The following TMEM150B variants were observed in gnomAD, a reference collection of about 807,000 sequenced individuals.
The protein encoded by TMEM150B is transmembrane protein 150B.
In TMEM150B, 33 loss-of-function variants were observed where a neutral mutation model predicts 25.2. The observed-to-expected ratio is 1.31, with a 90% CI of 0.99 to 1.75. The LOEUF is 1.75. TMEM150B is among the 40% of genes most tolerant of loss of function. The pLI, the probability that TMEM150B is intolerant of heterozygous loss-of-function variation, is 0.00. For synonymous variants in TMEM150B, 133 were observed against 134.8 expected, an observed-to-expected ratio of 0.99 and a Z score of 0.09; for missense variants, 322 against 306.1, an observed-to-expected ratio of 1.05 and a Z score of -0.39.
At chr19:55,315,756 G>A (rs1345985626) in intron 7 of TMEM150B, among the ~76,000 whole-genome samples, 4 of 142,264 alleles carry the variant, frequency 2.8e-5, no homozygotes, top group Non-Finnish European at 4.6e-5. Flanking sequence ...GCGAGACTCC[G>A]TCTCAAAAAA....
rs759767329 is a variant in TMEM150B at position 55,316,875 on chromosome 19, C to A, written c.416G>T (p.Arg139Met). 1.9e-6 allele frequency: 3 copies of A among 1,602,434 alleles called. No individual in the cohort carries two copies. The South Asian group carries it at 3.4e-5, about 18-fold the overall frequency. Residue 139 changes from arginine to methionine, a missense_variant, in exon 7 of 8, where the codon AGG becomes ATG. Physicochemically the swap from Arg to Met is moderately conservative, Grantham distance 91. Coordinates refer to ENST00000326652, the MANE Select transcript of TMEM150B (RefSeq NM_001282011.2). ...VYFWLQLLLW[R>M]LKRLPQPGAA... ...CCCGGGCTGGGGCAGCCTCTTCAGC[C>A]TCCACAGGAGGAGCTGCAGCCAGAA...
chr19:55,324,465 T>C (rs1190778995), intron 1 of TMEM150B, among the ~76,000 whole-genome samples: 4 of 151,886 alleles, frequency 2.6e-5, no homozygotes, highest in Admixed American at 2.6e-4. Flanking sequence ...CTGGCCAACA[T>C]AGTGAAACCC....
chr19:55,310,083 T>C (rs2088749485), downstream of TMEM150B, among the ~76,000 whole-genome samples: 1 of 152,188 alleles, frequency 6.6e-6, no homozygotes, highest in South Asian at 2.1e-4. This position sits in a 1 kb window ranked among gnomAD's most constrained non-coding sequence, Gnocchi z 5.0. Context: ...GGAGCCGTGG[T>C]TCTCAACTAG....
At chr19:55,312,019 C>A, downstream of TMEM150B, 1 of 1,511,006 alleles carries the variant, frequency 6.6e-7, no homozygotes, top group Non-Finnish European at 8.9e-7. Context: ...CGCCGAGGCC[C>A]CCCCAAGGAC....
At chr19:55,322,347 G>A (rs2089228737) in intron 2 of TMEM150B, among the ~76,000 whole-genome samples, 1 of 152,088 alleles carries the variant, frequency 6.6e-6, no homozygotes, top group Admixed American at 6.6e-5. Context: ...GGCTGAAGCT[G>A]GGCCCCTCTC....
chr19:55,317,784 G>GA (rs71181755), intron 6 of TMEM150B, among the ~76,000 whole-genome samples: 68,037 of 142,036 alleles, frequency 0.48, 16,547 homozygotes, highest in African/African-American at 0.5. Context: ...TCCATCTCAA[G>GA]AAAAAAAAAA....
At chr19:55,320,697 G>T in intron 3 of TMEM150B, 80 bp from the exon 4 acceptor site, 3 of 1,541,246 alleles carry the variant, frequency 1.9e-6, no homozygotes, top group Non-Finnish European at 2.7e-6. Context: ...AGGACTTCTA[G>T]CCCCCTCCAC....
rs749187460 is a variant in TMEM150B at position 55,320,606 on chromosome 19, G to A, written c.80C>T (p.Ala27Val). The A allele has an allele frequency of 2.1e-5, 34 of 1,613,906 alleles. No individual in the cohort carries two copies. In the South Asian group the frequency reaches 3.6e-4, roughly 17 times the overall value. Residue 27 changes from alanine (A) to valine (V), a missense_variant, in exon 4 of 8, where the codon GCA (alanine) becomes GTA (valine). Ala to Val is a moderately conservative substitution (Grantham distance 64). Transcript: ENST00000326652. ...GAGGTCCACAGTCCTGTTGGTCACT[G>A]CAATGGCAAAACTACGGAGGAAATC... is the stretch of plus-strand genomic sequence containing the variant. The part of the protein sequence containing the change: ...ISGVWIVFAI[A>V]VTNRTVDLSK...
intron 5 of TMEM150B, 100 bp downstream of exon 5, chr19:55,320,291 G>A (rs2089162730): frequency 6.7e-7 from 1 of 1,502,236 alleles, no homozygotes; most frequent in Admixed American, 2.2e-5. Context: ...GGGGAAAGAG[G>A]GGCCTGGGGC....
chr19:55,313,418 A>G (rs922209504), intron 7 of TMEM150B, among the ~76,000 whole-genome samples: 2 of 151,024 alleles, frequency 1.3e-5, no homozygotes, highest in Non-Finnish European at 3.0e-5. Context: ...GGTTTCCTAA[A>G]TACGCCTCCC....
chr19:55,312,895 CG>C lies in TMEM150B; in HGVS notation c.665del (p.Pro222ArgfsTer?). The part of the protein sequence containing the change: ...CVQPWPSLSP[P>X]PASPISLPVQ... Reference sequence around the variant, plus strand: ...CCGGCAGGGAGATGGGGGAGGCCGGCGGGGGGCTGAGGCTGGGCCACGGCTG... The same window carrying C: ...CCGGCAGGGAGATGGGGGAGGCCGGCGGGGGCTGAGGCTGGGCCACGGCTG... On this transcript the variant is annotated frameshift_variant, in exon 8 of 8. Coordinates refer to ENST00000326652, the MANE Select transcript of TMEM150B (RefSeq NM_001282011.2). LOFTEE classifies it low-confidence loss of function (END_TRUNC). The C allele has an allele frequency of 6.2e-7, 1 of 1,600,570 alleles. No homozygotes were observed. The highest frequency in any genetic ancestry group is 1.1e-5 in the South Asian group (1 of 89,598).
chr19:55,317,650 G>A (rs370045230), intron 6 of TMEM150B, among the ~76,000 whole-genome samples: 1 of 151,914 alleles, frequency 6.6e-6, no homozygotes, highest in Non-Finnish European at 1.5e-5. Flanking sequence ...GCGTGGTGGC[G>A]GGCACCTGTA....
At chr19:55,315,499 C>T (rs1370882169) in intron 7 of TMEM150B, among the ~76,000 whole-genome samples, 7 of 151,916 alleles carry the variant, frequency 4.6e-5, no homozygotes, top group African/African-American at 1.7e-4. Context: ...CGGTGGCTCA[C>T]ACCTGTAATC....
At chr19:55,320,275 G>A in intron 5 of TMEM150B, 109 bp from the exon 6 acceptor site, 1 of 1,513,936 alleles carries the variant, frequency 6.6e-7, no homozygotes. Context: ...CAAACTCCCG[G>A]ATTTTGGGGA....
chr19:55,313,520 C>G (rs1308962572), intron 7 of TMEM150B, among the ~76,000 whole-genome samples: 2 of 152,162 alleles, frequency 1.3e-5, no homozygotes, highest in South Asian at 2.1e-4. Flanking sequence ...TGCTCACTCC[C>G]AGAGCCTAAT....
intron 7 of TMEM150B, among the ~76,000 whole-genome samples, chr19:55,316,580 C>T (rs968228935): frequency 2.0e-5 from 3 of 151,804 alleles, no homozygotes; most frequent in Non-Finnish European, 4.4e-5. Context: ...CGGAAGTTTC[C>T]CCCAGCTGCT....
chr19:55,314,348 C>T (rs2088923828), intron 7 of TMEM150B, among the ~76,000 whole-genome samples: 1 of 152,010 alleles, frequency 6.6e-6, no homozygotes, highest in South Asian at 2.1e-4. Flanking sequence ...TCTCTATCAC[C>T]CCCAGGCAGA....
chr19:55,323,484 T>C (rs569156304), intron 1 of TMEM150B, among the ~76,000 whole-genome samples: 5 of 151,506 alleles, frequency 3.3e-5, no homozygotes, highest in African/African-American at 1.2e-4. Flanking sequence ...GCACTCCCAA[T>C]GTTATGCAAC....
chr19:55,313,131 T>G, intron 7 of TMEM150B, 76 bp from the exon 8 acceptor site: 1 of 1,452,198 alleles, frequency 6.9e-7, no homozygotes, highest in Non-Finnish European at 9.2e-7. Flanking sequence ...CGCCTCGCGC[T>G]GGGCGGAGGC....
Sources: allele counts gnomAD v4.1 joint callset (sites outside exome capture counted in the v4.1 genomes callset), GRCh38; gene constraint gnomAD v4.1.1; non-coding constraint Gnocchi (gnomAD v3.1); transcripts MANE v1.5; gene names NCBI Gene and HGNC (gene_info 2026-07-23, HGNC 2026-07-21).